Variants in MDFIC2 observed in about 807,000 individuals in gnomAD.
MDFIC2 encodes MyoD family inhibitor domain containing 2.
chr3:70,250,582 C>A (rs189191344), intron 2 of MDFIC2, among the ~76,000 whole-genome samples: 2 of 152,226 alleles, frequency 1.3e-5, no homozygotes, highest in East Asian at 3.9e-4. Flanking sequence ...GAAAAATAGT[C>A]TCTGAGCAGC....
intron 2 of MDFIC2, among the ~76,000 whole-genome samples, chr3:70,224,251 T>C (rs1363185757): frequency 6.6e-6 from 1 of 152,210 alleles, no homozygotes; most frequent in Non-Finnish European, 1.5e-5. Context: ...GGTTTCTACA[T>C]GCACCTGACA....
intron 2 of MDFIC2, among the ~76,000 whole-genome samples, chr3:70,253,657 A>G (rs1701789575): frequency 6.6e-6 from 1 of 152,196 alleles, no homozygotes; most frequent in African/African-American, 2.4e-5. Context: ...CAGGAGTTCA[A>G]TGCTGCAGTG....
intron 2 of MDFIC2, 137 bp downstream of exon 2, chr3:70,311,749 A>T (rs948263381): frequency 1.0e-5 from 4 of 384,258 alleles, no homozygotes; most frequent in African/African-American, 8.3e-5. Flanking sequence ...ATTTGAAAAA[A>T]AAAGAAAAGA....
At chr3:70,205,978 A>G (rs1019918387) in intron 3 of MDFIC2, 7 of 151,976 alleles carry the variant, frequency 4.6e-5, no homozygotes, top group African/African-American at 1.7e-4. Flanking sequence ...TTTAGCACCA[A>G]AACAATTTGA....
intron 2 of MDFIC2, among the ~76,000 whole-genome samples, chr3:70,210,552 G>A (rs564860604): frequency 1.3e-5 from 2 of 151,890 alleles, no homozygotes; most frequent in Non-Finnish European, 2.9e-5. Flanking sequence ...TGTATTATTC[G>A]ACATTGCACC....
At chr3:70,219,691 A>G (rs1363884122) in intron 2 of MDFIC2, among the ~76,000 whole-genome samples, 2 of 152,220 alleles carry the variant, frequency 1.3e-5, no homozygotes, top group Non-Finnish European at 2.9e-5. Flanking sequence ...AATCTGCATC[A>G]GAAGCAGTAA....
In MDFIC2 at chr3:70,195,012, G is replaced by A. The variant is rs1701162140; in HGVS notation, c.*1914C>T. On this transcript the variant is annotated 3_prime_UTR_variant, in exon 4 of 4. Coordinates refer to ENST00000567252, the MANE Select transcript of MDFIC2 (RefSeq NM_001364677.1). ...TAGTATTTTAACAATTGTAACACCTGCACCACTGAGTACCAGCTGGACTGA... is the reference window on the plus strand; with the variant it reads ...TAGTATTTTAACAATTGTAACACCTACACCACTGAGTACCAGCTGGACTGA... 1.3e-5 allele frequency among the ~76,000 whole-genome samples: 2 copies of A among 152,126 alleles called. No homozygotes were observed. Among genetic ancestry groups the A allele is most frequent in the African/African-American group, 4.8e-5 (2 of 41,416 alleles).
rs1415248920 is a variant in MDFIC2 at position 70,253,996 on chromosome 3, A to C, written c.89-47206T>G. Among the ~76,000 whole-genome samples, 3 of 152,322 alleles carry C rather than the reference A, an allele frequency of 2.0e-5. No individual in the cohort carries two copies. The South Asian group carries it at 6.2e-4, about 32-fold the overall frequency. On this transcript the variant is annotated intron_variant, in intron 2 of 3. Coordinates refer to ENST00000567252, the MANE Select transcript of MDFIC2 (RefSeq NM_001364677.1). ...ATAGCTAGCTCAGAAGATTCAAAAA[A>C]AGGGTTAACAAATGCAGAGATAAGA...
intron 2 of MDFIC2, among the ~76,000 whole-genome samples, chr3:70,233,808 T>C (rs1352864227): frequency 6.6e-6 from 1 of 152,236 alleles, no homozygotes; most frequent in Non-Finnish European, 1.5e-5. Flanking sequence ...TTCAGATTGT[T>C]GCATATCTAA....
At chr3:70,274,424 C>T (rs982628003) in intron 2 of MDFIC2, among the ~76,000 whole-genome samples, 6 of 150,700 alleles carry the variant, frequency 4.0e-5, no homozygotes, top group African/African-American at 1.5e-4. Context: ...TTTTTAATGA[C>T]ATTGTTCATC....
At chr3:70,226,986 T>C (rs1701513834) in intron 2 of MDFIC2, among the ~76,000 whole-genome samples, 1 of 152,170 alleles carries the variant, frequency 6.6e-6, no homozygotes, top group South Asian at 2.1e-4. Context: ...GCAGTGGCTC[T>C]TGATTGACAG....
chr3:70,230,561 C>G (rs967639517), intron 2 of MDFIC2, among the ~76,000 whole-genome samples: 19 of 152,132 alleles, frequency 1.2e-4, no homozygotes, highest in Admixed American at 9.2e-4. Context: ...ATGGAACTCT[C>G]TCTTGAAATT....
chr3:70,282,086 A>T (rs1396505339), intron 2 of MDFIC2, among the ~76,000 whole-genome samples: 1 of 152,090 alleles, frequency 6.6e-6, no homozygotes, highest in African/African-American at 2.4e-5. Flanking sequence ...ACAGCCAGGG[A>T]AGAAGGCTTT....
At chr3:70,309,743 G>T (rs1702438863) in intron 2 of MDFIC2, among the ~76,000 whole-genome samples, 1 of 152,148 alleles carries the variant, frequency 6.6e-6, no homozygotes, top group Non-Finnish European at 1.5e-5. Context: ...TTAAGATGTT[G>T]TCATCTAGCA....
At chr3:70,302,665 T>G (rs1702362750) in intron 2 of MDFIC2, 1 of 152,180 alleles carries the variant, frequency 6.6e-6, no homozygotes, top group Non-Finnish European at 1.5e-5. Context: ...CACTGTTACT[T>G]CATAAAACTG....
chr3:70,295,511 T>A (rs1575618842), intron 2 of MDFIC2, among the ~76,000 whole-genome samples: 4 of 152,066 alleles, frequency 2.6e-5, no homozygotes, highest in African/African-American at 9.7e-5. Context: ...GAGACTGGCC[T>A]GGGAAACATA....
At chr3:70,262,324 T>G (rs1701874614) in intron 2 of MDFIC2, among the ~76,000 whole-genome samples, 2 of 152,104 alleles carry the variant, frequency 1.3e-5, no homozygotes, top group African/African-American at 4.8e-5. Context: ...AAATAGAAAA[T>G]GATGCATTGC....
chr3:70,300,671 G>A (rs1012454513), intron 2 of MDFIC2, among the ~76,000 whole-genome samples: 1 of 152,042 alleles, frequency 6.6e-6, no homozygotes, highest in Admixed American at 6.6e-5. Flanking sequence ...AATCCAAGAT[G>A]AGACTGATAT....
At chr3:70,209,007 A>T (rs1278634737) in intron 2 of MDFIC2, among the ~76,000 whole-genome samples, 1 of 152,084 alleles carries the variant, frequency 6.6e-6, no homozygotes, top group Non-Finnish European at 1.5e-5. Flanking sequence ...CAGATGAGAG[A>T]ACACTAGGCT....
Sources: allele counts gnomAD v4.1 joint callset (sites outside exome capture counted in the v4.1 genomes callset), GRCh38; gene constraint gnomAD v4.1.1; transcripts MANE v1.5; gene names NCBI Gene and HGNC (gene_info 2026-07-23, HGNC 2026-07-21).